Variants in GALNT9 observed in about 807,000 individuals in gnomAD.
GALNT9 encodes the protein GalNAc transferase 9.
A neutral mutation model predicts 63.1 loss-of-function variants in GALNT9; 47 were observed. The observed-to-expected ratio is 0.75, with a 90% confidence interval of 0.59 to 0.95. GALNT9 has a LOEUF of 0.95. GALNT9 is among the 40% of genes least tolerant of loss of function. The pLI, the probability that GALNT9 is intolerant of heterozygous loss-of-function variation, is 0.00. For synonymous variants in GALNT9, 396 were observed against 365.7 expected (o/e 1.08, Z -0.94); for missense variants, 829 against 874.8 (o/e 0.95, Z 0.66).
chr12:132,210,107 G>C (rs1443541628), intron 6 of GALNT9, among the ~76,000 whole-genome samples: 1 of 152,208 alleles, frequency 6.6e-6, no homozygotes, highest in Non-Finnish European at 1.5e-5. Context: ...ACTAACTGCA[G>C]AGGCCAGAGA....
chr12:132,285,428 G>C (rs1566013035), intron 2 of GALNT9, among the ~76,000 whole-genome samples: 1 of 152,270 alleles, frequency 6.6e-6, no homozygotes, highest in Non-Finnish European at 1.5e-5. Context: ...AATTAATCTG[G>C]CGCTTGTCGC....
intron 6 of GALNT9, among the ~76,000 whole-genome samples, chr12:132,240,018 A>G (rs1555236750): frequency 6.6e-6 from 1 of 151,712 alleles, no homozygotes; most frequent in Admixed American, 6.6e-5. Flanking sequence ...TGGCTCCCCA[A>G]CCCAGGCCCG....
At position 132,197,897 on chromosome 12, in the gene GALNT9, C is replaced by T; in HGVS notation, c.1560G>A (p.Leu520=). The change falls in exon 10 of 11, where the codon TTG becomes TTA. Residue 520 remains leucine (L), a synonymous_variant. Coordinates refer to ENST00000328957, the MANE Select transcript of GALNT9 (RefSeq NM_001122636.2). Reference sequence around the variant, plus strand: ...CATCCACCAGACACTTGGAGTCAGGCAAGAAGGCTGTGGAGCCCAGAGGCC... The same window carrying T: ...CATCCACCAGACACTTGGAGTCAGGTAAGAAGGCTGTGGAGCCCAGAGGCC... ...QLGPLGSTAF[L]PDSKCLVDDG... is the part of the protein sequence containing the mutation. The T allele has an allele frequency of 6.2e-7, 1 of 1,611,882 alleles. No homozygotes were observed. The highest frequency in any genetic ancestry group is 8.5e-7 in the Non-Finnish European group (1 of 1,179,498).
At chr12:132,305,440 A>C (rs1188409225) in intron 1 of GALNT9, among the ~76,000 whole-genome samples, 94 of 14,426 alleles carry the variant, frequency 6.5e-3, no homozygotes, top group South Asian at 0.014. Flanking sequence ...CGGGCACAGA[A>C]TCGCCCAGAC....
At chr12:132,293,036 C>A (rs1470751870) in intron 1 of GALNT9, among the ~76,000 whole-genome samples, 1 of 152,164 alleles carries the variant, frequency 6.6e-6, no homozygotes, top group Non-Finnish European at 1.5e-5. Flanking sequence ...CTCTGTTCAC[C>A]AGGTGTGGGA....
chr12:132,197,227 C>A lies in GALNT9; in HGVS notation c.1692G>T (p.Thr564=). 1 of 1,613,288 alleles carries A rather than the reference C, an allele frequency of 6.2e-7. No homozygotes were observed. The highest frequency in any genetic ancestry group is 8.5e-7 in the Non-Finnish European group (1 of 1,179,986). The change falls in exon 11 of 11, where the codon ACG becomes ACT. Residue 564 remains threonine, a synonymous_variant. Transcript: ENST00000328957. ...TQSGPIVSRA[T]GRCLEVEMSK... is the part of the protein sequence containing the mutation. ...ACATCTCCACCTCCAGGCAGCGGCCCGTGGCCCGGCTCACAATGGGGCCAC... is the reference window on the plus strand; with the variant it reads ...ACATCTCCACCTCCAGGCAGCGGCCAGTGGCCCGGCTCACAATGGGGCCAC...
intron 1 of GALNT9, among the ~76,000 whole-genome samples, chr12:132,292,078 G>A (rs553553414): frequency 3.7e-4 from 56 of 152,278 alleles, no homozygotes; most frequent in African/African-American, 1.3e-3. Flanking sequence ...GACCTCCCAG[G>A]TTCTAACCTG....
At chr12:132,248,079 T>C (rs1370518318) in intron 5 of GALNT9, 52 bp from the exon 6 acceptor site, 2 of 1,512,190 alleles carry the variant, frequency 1.3e-6, no homozygotes, top group Non-Finnish European at 8.9e-7. Flanking sequence ...GCCTGAGCCC[T>C]GCCTGCTGGG....
chr12:132,269,342 G>A (rs1045131161), intron 2 of GALNT9, among the ~76,000 whole-genome samples: 14 of 152,248 alleles, frequency 9.2e-5, no homozygotes, highest in African/African-American at 3.4e-4. Flanking sequence ...AGAAGAGCAA[G>A]CAGAGCCAGT....
At position 132,252,230 on chromosome 12, in the gene GALNT9, C is replaced by A. The variant is rs113657297; in HGVS notation, c.960-4203G>T. Among the ~76,000 whole-genome samples, 782 of 152,296 alleles carry A rather than the reference C, an allele frequency of 5.1e-3. 2 individuals are homozygous for A. The highest frequency in any genetic ancestry group is 0.017 in the African/African-American group (716 of 41,564). The stretch of plus-strand genomic sequence containing the variant: ...TTCAACTCTGCAGGGAGCAAAGAGG[C>A]CTCCAAAGATGAGCCACAGGCGGCT... On this transcript the variant is annotated intron_variant, in intron 5 of 10. Transcript: ENST00000328957. This position sits in a 1 kb window ranked among gnomAD's most constrained non-coding sequence, Gnocchi z 5.2.
intron 6 of GALNT9, among the ~76,000 whole-genome samples, chr12:132,222,155 G>A (rs1877476506): frequency 6.6e-6 from 1 of 152,134 alleles, no homozygotes; most frequent in Admixed American, 6.5e-5. Flanking sequence ...GCTTCCTCAT[G>A]TGAAAACACA....
intron 5 of GALNT9, among the ~76,000 whole-genome samples, chr12:132,250,203 G>A (rs1295953090): frequency 3.3e-5 from 5 of 152,172 alleles, no homozygotes; most frequent in African/African-American, 4.8e-5. Context: ...GTTGCCCCCC[G>A]TGTGACTCCG....
chr12:132,198,314 T>C, intron 9 of GALNT9, among the ~76,000 whole-genome samples: 1 of 152,208 alleles, frequency 6.6e-6, no homozygotes, highest in Non-Finnish European at 1.5e-5. Flanking sequence ...CAGTGCCGTG[T>C]GTGAGCGGAA....
rs1555246743 is a variant in GALNT9, at chr12:132,329,062, G to T, written c.142C>A (p.Arg48Ser). Residue 48 changes from arginine (R) to serine (S), a missense_variant, in exon 1 of 11, where the codon CGC (arginine) becomes AGC (serine). Transcript: ENST00000328957. ...GTGCCCACCTTGGCGTGTCGGCTGC[G>T]CACCCGGCGGTCGCCGCTCACGATG... Reference protein sequence around the residue: ...VRIVSGDRRVRSRHAKVGTLG... With the variant: ...VRIVSGDRRVSSRHAKVGTLG... 6.5e-7 allele frequency: 1 copy of T among 1,547,032 alleles called. No homozygotes were observed. Among genetic ancestry groups the T allele is most frequent in the East Asian group, 2.4e-5 (1 of 40,892 alleles).
rs1877398619 is a variant in GALNT9 at position 132,220,213 on chromosome 12, T to C, written c.1078-16523A>G. ...GTTGGAGGCTGCAGTGAGTGATGACTGTACCACAATACTCCAGCCAGGATG... is the reference window on the plus strand; with the variant it reads ...GTTGGAGGCTGCAGTGAGTGATGACCGTACCACAATACTCCAGCCAGGATG... On this transcript the variant is annotated intron_variant, in intron 6 of 10. Coordinates refer to ENST00000328957, the MANE Select transcript of GALNT9 (RefSeq NM_001122636.2). Among the ~76,000 whole-genome samples the C allele has an allele frequency of 3.9e-5, 6 of 152,178 alleles. No individual in the cohort carries two copies. The South Asian group carries it at 1.2e-3, about 32-fold the overall frequency.
intron 1 of GALNT9, among the ~76,000 whole-genome samples, chr12:132,297,873 C>G (rs1321772898): frequency 6.6e-6 from 1 of 151,982 alleles, no homozygotes; most frequent in Non-Finnish European, 1.5e-5. Flanking sequence ...ATTACCAACT[C>G]ACTCCCGAGA....
At chr12:132,212,001 G>C (rs1000306944) in intron 6 of GALNT9, among the ~76,000 whole-genome samples, 1 of 152,236 alleles carries the variant, frequency 6.6e-6, no homozygotes, top group African/African-American at 2.4e-5. Context: ...AGTGATGCTT[G>C]CGTCAGTGGA....
At chr12:132,228,483 G>C (rs1417115624) in intron 6 of GALNT9, among the ~76,000 whole-genome samples, 2 of 149,702 alleles carry the variant, frequency 1.3e-5, no homozygotes, top group African/African-American at 5.0e-5. Flanking sequence ...AGGGCGGCCA[G>C]TCAGCACCTC....
chr12:132,268,195 A>G (rs1032007761), intron 2 of GALNT9, among the ~76,000 whole-genome samples: 1 of 151,892 alleles, frequency 6.6e-6, no homozygotes, highest in East Asian at 1.9e-4. Context: ...ACTCACACAC[A>G]TGCACTCACA....
Sources: gnomAD v4.1 joint callset for allele counts (sites outside exome capture counted in the v4.1 genomes callset) on GRCh38, gnomAD v4.1.1 for gene constraint, Gnocchi (gnomAD v3.1) non-coding constraint, MANE v1.5 for transcripts, NCBI Gene and HGNC (gene_info 2026-07-23, HGNC 2026-07-21) for gene names.